The following SPATA31H1 variants were observed in gnomAD, a reference collection of about 807,000 sequenced individuals.
SPATA31H1 encodes SPATA31 subfamily H member 1.
At chr2:27,580,648 G>C in the SPATA31H1 span, 5 of 1,614,184 alleles carry the variant, frequency 3.1e-6, no homozygotes, top group Non-Finnish European at 4.2e-6. Flanking sequence ...AGCCTAAAGC[G>C]GGCATTCCAA....
chr2:27,568,813 T>A, the SPATA31H1 span: 1 of 398,808 alleles, frequency 2.5e-6, no homozygotes, highest in Non-Finnish European at 4.4e-6. Context: ...GTGCAAGGTA[T>A]GAAATATGGG....
At chr2:27,550,127 C>A in the SPATA31H1 span, among the ~76,000 whole-genome samples, 21 of 151,740 alleles carry the variant, frequency 1.4e-4, no homozygotes, top group East Asian at 4.1e-3. Context: ...AATTTTATTT[C>A]TTTCTTTCTG....
At chr2:27,571,273 C>T in the SPATA31H1 span, 1 of 398,396 alleles carries the variant, frequency 2.5e-6, no homozygotes, top group Non-Finnish European at 4.4e-6. Context: ...TTGCTGACTT[C>T]AGGATCACAC....
the SPATA31H1 span, chr2:27,568,597 A>C: frequency 2.5e-6 from 1 of 399,030 alleles, no homozygotes. Context: ...AGATCTGTTC[A>C]TCTGGTCCTA....
chr2:27,551,276 G>T, the SPATA31H1 span, among the ~76,000 whole-genome samples: 1 of 152,070 alleles, frequency 6.6e-6, no homozygotes, highest in East Asian at 1.9e-4. Context: ...ATTGGCTTAT[G>T]ATTTTTCTTT....
the SPATA31H1 span, among the ~76,000 whole-genome samples, chr2:27,551,967 C>G: frequency 6.6e-5 from 10 of 152,016 alleles, no homozygotes; most frequent in African/African-American, 2.4e-4. Context: ...AGGCGTGCAC[C>G]ACCATGCCCA....
the SPATA31H1 span, chr2:27,567,243 G>A: frequency 1.6e-6 from 1 of 616,250 alleles, no homozygotes. Flanking sequence ...TCCAAGGTGG[G>A]CTACATTCAA....
At chr2:27,550,852 A>G in the SPATA31H1 span, among the ~76,000 whole-genome samples, 3 of 151,916 alleles carry the variant, frequency 2.0e-5, no homozygotes, top group African/African-American at 7.3e-5. Flanking sequence ...TGGAATAAAT[A>G]TAATATGTTC....
the SPATA31H1 span, among the ~76,000 whole-genome samples, chr2:27,561,267 G>A: frequency 6.6e-6 from 1 of 152,160 alleles, no homozygotes; most frequent in African/African-American, 2.4e-5. Context: ...GGGAGGCAGA[G>A]GTTGCCATGA....
chr2:27,572,765 G>A, the SPATA31H1 span: 14 of 397,888 alleles, frequency 3.5e-5, no homozygotes, highest in African/African-American at 1.4e-4. Context: ...CTGGAGAGTC[G>A]AAATCTTCCA....
the SPATA31H1 span, chr2:27,567,646 G>T: frequency 2.5e-6 from 1 of 401,192 alleles, no homozygotes; most frequent in African/African-American, 2.1e-5. Context: ...CTACCTCCAA[G>T]AAGTTTAGAA....
the SPATA31H1 span, among the ~76,000 whole-genome samples, chr2:27,550,237 T>A: frequency 6.7e-6 from 1 of 148,792 alleles, no homozygotes; most frequent in East Asian, 2.0e-4. Flanking sequence ...TTTTTTTTAA[T>A]GTAGAGGATA....
chr2:27,541,277 C>T, the SPATA31H1 span, among the ~76,000 whole-genome samples: 3 of 151,774 alleles, frequency 2.0e-5, no homozygotes, highest in African/African-American at 4.9e-5. Context: ...CGCCTGCAAT[C>T]GCAGGCACTC....
chr2:27,580,857 T>C, the SPATA31H1 span: 11 of 1,614,010 alleles, frequency 6.8e-6, no homozygotes, highest in Non-Finnish European at 9.3e-6. Context: ...GGACATATTG[T>C]GGGGAGGAAC....
At chr2:27,573,591 T>C in the SPATA31H1 span, 1 of 398,472 alleles carries the variant, frequency 2.5e-6, no homozygotes, top group Admixed American at 4.4e-5. Context: ...AACTGTGAAA[T>C]CATGTGGCCC....
the SPATA31H1 span, among the ~76,000 whole-genome samples, chr2:27,551,835 T>G: frequency 0.58 from 87,523 of 151,216 alleles, 26,414 homozygotes; most frequent in East Asian, 0.85. Flanking sequence ...AGCTTTTTTT[T>G]TTGTTGTTGT....
At chr2:27,541,203 A>G in the SPATA31H1 span, among the ~76,000 whole-genome samples, 1 of 151,692 alleles carries the variant, frequency 6.6e-6, no homozygotes, top group Non-Finnish European at 1.5e-5. Context: ...CCCGGCCAAC[A>G]CAGCAAAACC....
At chr2:27,539,749 A>ACCAC in the SPATA31H1 span, among the ~76,000 whole-genome samples, 1 of 31,072 alleles carries the variant, frequency 3.2e-5, no homozygotes, top group Non-Finnish European at 5.5e-5. Context: ...CGGGGGGCTG[A>ACCAC]CCCCCCCCGC....
the SPATA31H1 span, chr2:27,568,417 C>A: frequency 2.5e-6 from 1 of 398,938 alleles, no homozygotes; most frequent in Non-Finnish European, 4.4e-6. Context: ...TGTCAAGACA[C>A]AAAATCACTG....
Sources: gnomAD v4.1 joint callset for allele counts (sites outside exome capture counted in the v4.1 genomes callset) on GRCh38, gnomAD v4.1.1 for gene constraint, MANE v1.5 for transcripts, NCBI Gene and HGNC (gene_info 2026-07-23, HGNC 2026-07-21) for gene names.